The following MPP3 variants were observed in gnomAD, a reference collection of about 807,000 sequenced individuals.
MPP3 encodes MAGUK p55 subfamily member 3.
Under a neutral mutation model 80.7 loss-of-function variants are expected in MPP3, and 48 were observed. The ratio of observed to expected loss-of-function variants is 0.59; its 90% CI spans 0.47 to 0.76. The LOEUF is 0.76. Ranked by LOEUF, MPP3 falls within the 30% of genes least tolerant of loss-of-function variation. MPP3 has a pLI of 0.00. For missense variants in MPP3, 620 were observed against 763.0 expected, an observed-to-expected ratio of 0.81 and a Z score of 2.21; for synonymous variants, 311 against 297.6, an observed-to-expected ratio of 1.04 and a Z score of -0.46.
rs757014415 is a variant in MPP3, at chr17:43,827,766, C to T, written c.508G>A (p.Ala170Thr). The change falls in exon 8 of 20, where the codon GCA (alanine) becomes ACA (threonine). Residue 170 changes from alanine (A) to threonine (T), a missense_variant. Transcript: ENST00000398389. ...VVVARIMRGG[A>T]ADRSGLVHVG... ...CGCCACTCACCGCTCCTGTCTGCTG[C>T]GCCTCCTCGCATGATCCTGGCCACC... 4.0e-5 allele frequency: 64 copies of T among 1,611,836 alleles called. No homozygotes were observed. The Middle Eastern group carries it at 2.1e-3, about 54-fold the overall frequency.
intron 12 of MPP3, among the ~76,000 whole-genome samples, chr17:43,816,942 C>T (rs911419365): frequency 6.6e-6 from 1 of 152,232 alleles, no homozygotes; most frequent in Non-Finnish European, 1.5e-5. Flanking sequence ...ACAGCAGCCT[C>T]AAGGCCACTG....
chr17:43,809,894 G>GAAAAA (rs961014065), intron 18 of MPP3, among the ~76,000 whole-genome samples: 7 of 151,980 alleles, frequency 4.6e-5, no homozygotes, highest in Non-Finnish European at 7.4e-5. Context: ...AAAAGAAAAA[G>GAAAAA]AAATTGTACT....
intron 19 of MPP3, among the ~76,000 whole-genome samples, chr17:43,804,241 A>T (rs1476011008): frequency 6.6e-6 from 1 of 152,222 alleles, no homozygotes; most frequent in African/African-American, 2.4e-5. Flanking sequence ...ATGGAAATGT[A>T]AAGGACCCAG....
chr17:43,811,875 G>A (rs910588544), intron 16 of MPP3, among the ~76,000 whole-genome samples: 1 of 152,130 alleles, frequency 6.6e-6, no homozygotes, highest in African/African-American at 2.4e-5. Context: ...TTACAGACAT[G>A]AGCCACCGCG....
At chr17:43,829,440 T>G (rs564947654) in intron 7 of MPP3, among the ~76,000 whole-genome samples, 27 of 152,290 alleles carry the variant, frequency 1.8e-4, no homozygotes, top group African/African-American at 6.5e-4. Context: ...GGTTATTAAC[T>G]ACACAAAGGG....
At position 43,809,044 on chromosome 17, in the gene MPP3, G is replaced by T. The variant is rs1163402284; in HGVS notation, c.1493C>A (p.Pro498His). ...TGCAGGCTTTACAAATATAATATAG[G>T]GTTTAAATTCTGAGGTCCTCAGTTG... The part of the protein sequence containing the change: ...LKQLRTSEFK[P>H]YIIFVKPAIQ... Residue 498 changes from proline to histidine, a missense_variant, in exon 19 of 20, where the codon CCC becomes CAC. By Grantham distance (77) the Pro-to-His change is moderately conservative. Transcript: ENST00000398389. The T allele has an allele frequency of 6.2e-7, 1 of 1,603,632 alleles. No individual in the cohort carries two copies. Among genetic ancestry groups the T allele is most frequent in the Non-Finnish European group, 8.5e-7 (1 of 1,177,334 alleles).
chr17:43,818,161 A>G lies in MPP3; in HGVS notation c.882-51T>C. 2.1e-6 allele frequency: 3 copies of G among 1,405,814 alleles called. No individual in the cohort carries two copies. The South Asian group carries it at 4.8e-5, about 22-fold the overall frequency. The allele number at this position is 1,405,814 out of a possible 1,614,324, so 87.1% of individuals were successfully genotyped here. A position where few individuals can be genotyped will look rare whatever the true frequency, so the allele number is the denominator to read the frequency against. ...GGCCCGTGAGCTGGGCCAGATAACC[A>G]CTTGAAAGGAACCTTCTGGAAAACT... On this transcript the variant is annotated intron_variant, in intron 11 of 19. Transcript: ENST00000398389.
At chr17:43,812,389 T>C (rs1190288839) in intron 16 of MPP3, among the ~76,000 whole-genome samples, 2 of 152,122 alleles carry the variant, frequency 1.3e-5, no homozygotes, top group African/African-American at 2.4e-5. Context: ...TCCCCCTGCT[T>C]AAAAACTTGT....
chr17:43,811,982 C>T (rs1471414270), intron 16 of MPP3, among the ~76,000 whole-genome samples: 2 of 152,156 alleles, frequency 1.3e-5, no homozygotes, highest in African/African-American at 4.8e-5. Context: ...AGCAAAGGAG[C>T]CACACATACA....
At chr17:43,827,609 A>G in intron 8 of MPP3, 142 bp downstream of exon 8, 1 of 729,274 alleles carries the variant, frequency 1.4e-6, no homozygotes, top group Non-Finnish European at 2.2e-6. Flanking sequence ...TGAGAATTCC[A>G]GCCACAACCC....
At chr17:43,820,159 G>A (rs1255906759) in intron 11 of MPP3, among the ~76,000 whole-genome samples, 1 of 151,990 alleles carries the variant, frequency 6.6e-6, no homozygotes, top group Non-Finnish European at 1.5e-5. Flanking sequence ...TGCCTAGGCT[G>A]GTCTTGAACT....
chr17:43,813,736 T>C (rs1315757619), intron 16 of MPP3, among the ~76,000 whole-genome samples: 2 of 152,112 alleles, frequency 1.3e-5, no homozygotes, highest in African/African-American at 2.4e-5. Context: ...AGGTTGAGGC[T>C]GCCACTTTGC....
At chr17:43,817,836 A>C in intron 12 of MPP3, 1 of 395,388 alleles carries the variant, frequency 2.5e-6, no homozygotes. Context: ...CCCCAGCATC[A>C]TCTATGGACT....
At chr17:43,831,979 C>T (rs1449918246) in intron 2 of MPP3, 36 bp from the exon 3 acceptor site, 1 of 1,362,812 alleles carries the variant, frequency 7.3e-7, no homozygotes, top group Non-Finnish European at 1.0e-6. Context: ...ATTGAAGCTC[C>T]ATCAAGCATA....
At chr17:43,824,743 G>C (rs191811576) in intron 9 of MPP3, among the ~76,000 whole-genome samples, 2 of 152,164 alleles carry the variant, frequency 1.3e-5, no homozygotes, top group Non-Finnish European at 2.9e-5. Context: ...CCTGCAATCC[G>C]CATCCTCTAC....
At chr17:43,828,668 T>C (rs1377520609) in intron 7 of MPP3, among the ~76,000 whole-genome samples, 1 of 152,192 alleles carries the variant, frequency 6.6e-6, no homozygotes, top group Non-Finnish European at 1.5e-5. Flanking sequence ...GCAAACACAT[T>C]TGCACACTTA....
At chr17:43,827,024 C>CT (rs1001440960) in intron 8 of MPP3, among the ~76,000 whole-genome samples, 1 of 145,808 alleles carries the variant, frequency 6.9e-6, no homozygotes, top group Non-Finnish European at 1.5e-5. Context: ...TTCTTTTTTT[C>CT]TTTTTTTTGA....
intron 8 of MPP3, 85 bp from the exon 9 acceptor site, chr17:43,825,926 C>CA (rs2045676549): frequency 1.2e-6 from 1 of 830,424 alleles, no homozygotes; most frequent in African/African-American, 1.7e-5. Context: ...CAGGGGCCGG[C>CA]CTGAGAAGCC....
chr17:43,808,320 C>T (rs2044707590), intron 19 of MPP3, among the ~76,000 whole-genome samples: 1 of 152,168 alleles, frequency 6.6e-6, no homozygotes, highest in Non-Finnish European at 1.5e-5. Context: ...ACTTCCAACT[C>T]ATTCTGCTAA....
Sources: allele counts gnomAD v4.1 joint callset (sites outside exome capture counted in the v4.1 genomes callset), GRCh38; gene constraint gnomAD v4.1.1; transcripts MANE v1.5; gene names NCBI Gene and HGNC (gene_info 2026-07-23, HGNC 2026-07-21).